RP1: variants seen among roughly 807,000 people sequenced by gnomAD.
RP1 encodes the protein oxygen-regulated protein 1.
Under a neutral mutation model 14.8 loss-of-function variants are expected in RP1, and 16 were observed. The observed-to-expected ratio is 1.08, with a 90% CI of 0.73 to 1.65. RP1 has a LOEUF of 1.65. Ranked by LOEUF, RP1 falls within the 40% of genes most tolerant of loss-of-function variation. The pLI, the probability that RP1 is intolerant of heterozygous loss-of-function variation, is 0.00. For missense variants in RP1, 2,631 were observed against 2,535.0 expected, an observed-to-expected ratio of 1.04 and a Z score of -0.81; for synonymous variants, 876 against 883.6, an observed-to-expected ratio of 0.99 and a Z score of 0.15.
intron 19 of RP1, among the ~76,000 whole-genome samples, chr8:54,743,236 T>C (rs1809143418): frequency 6.6e-6 from 1 of 152,198 alleles, no homozygotes; most frequent in Non-Finnish European, 1.5e-5. Context: ...AAAATATATA[T>C]ATATGTTTGT....
intron 1 of RP1, among the ~76,000 whole-genome samples, chr8:54,608,536 A>T (rs1585547500): frequency 6.6e-6 from 1 of 152,142 alleles, no homozygotes; most frequent in African/African-American, 2.4e-5. Context: ...TGGCTTACAT[A>T]TGTTTGTTCA....
At chr8:54,651,642 C>G (rs1032747494) in intron 4 of RP1, among the ~76,000 whole-genome samples, 2 of 152,060 alleles carry the variant, frequency 1.3e-5, no homozygotes, top group Admixed American at 6.5e-5. Context: ...TAGCAATTCT[C>G]TTTGCTAACA....
chr8:54,638,692 A>G (rs1806399370), intron 3 of RP1, among the ~76,000 whole-genome samples: 1 of 152,100 alleles, frequency 6.6e-6, no homozygotes. Context: ...ACACTTGTAT[A>G]GGGTTGGTTT....
chr8:54,702,680 T>C (rs1808054323), intron 14 of RP1, among the ~76,000 whole-genome samples: 1 of 152,198 alleles, frequency 6.6e-6, no homozygotes, highest in Non-Finnish European at 1.5e-5. Context: ...GATTGACTCA[T>C]TCTTTCATGA....
At chr8:54,824,135 T>G (rs35965229) in intron 24 of RP1, among the ~76,000 whole-genome samples, 5 of 70,830 alleles carry the variant, frequency 7.1e-5, no homozygotes, top group Admixed American at 1.2e-4. Context: ...GTTTGTGTGT[T>G]TTTTTTTTAA....
chr8:54,821,798 T>A (rs576348710), intron 24 of RP1, among the ~76,000 whole-genome samples: 2 of 152,228 alleles, frequency 1.3e-5, no homozygotes, highest in Non-Finnish European at 2.9e-5. Context: ...GTACTGCCCA[T>A]ATTTTGCCTC....
intron 1 of RP1, among the ~76,000 whole-genome samples, chr8:54,607,244 G>T (rs948964798): frequency 6.6e-6 from 1 of 152,130 alleles, no homozygotes; most frequent in Non-Finnish European, 1.5e-5. Flanking sequence ...CTTTCTGTTT[G>T]TTAGTTTTCC....
chr8:54,808,553 G>T (rs1423357107), intron 24 of RP1, among the ~76,000 whole-genome samples: 1 of 152,170 alleles, frequency 6.6e-6, no homozygotes, highest in Non-Finnish European at 1.5e-5. Context: ...CTATTTTATG[G>T]GATTGGAATA....
At chr8:54,864,194 G>A (rs968061014) in intron 27 of RP1, among the ~76,000 whole-genome samples, 2 of 152,140 alleles carry the variant, frequency 1.3e-5, no homozygotes, top group African/African-American at 4.8e-5. Context: ...CCATGGATGA[G>A]GAAGGTGGTG....
chr8:54,852,833 C>A (rs1215465653), intron 26 of RP1: 1 of 827,726 alleles, frequency 1.2e-6, no homozygotes, highest in African/African-American at 1.8e-5. Context: ...CAGTTGATTC[C>A]TGTGAGGAAT....
chr8:54,832,271 A>G (rs1043750661), intron 24 of RP1, among the ~76,000 whole-genome samples: 1 of 151,636 alleles, frequency 6.6e-6, no homozygotes, highest in Non-Finnish European at 1.5e-5. Context: ...GAGTCTAATT[A>G]TATATATGTT....
chr8:54,625,512 G>T lies in RP1; in HGVS notation c.1630G>T (p.Ala544Ser). ...GGAAAACAGTCTGCTTAAGTCAAGT[G>T]CAATAAGTGCTGGTGTTATAGAAAT... ...KKENSLLKSS[A>S]ISAGVIEITS... Residue 544 changes from alanine to serine, a missense_variant, in exon 4 of 4, where the codon GCA becomes TCA. Coordinates refer to ENST00000220676, the MANE Select transcript of RP1 (RefSeq NM_006269.2). 1 of 1,614,006 alleles carries T rather than the reference G, an allele frequency of 6.2e-7. No individual in the cohort carries two copies. The highest frequency in any genetic ancestry group is 1.1e-5 in the South Asian group (1 of 91,068).
intron 7 of RP1, among the ~76,000 whole-genome samples, chr8:54,668,329 G>C (rs1475170838): frequency 6.6e-6 from 1 of 152,092 alleles, no homozygotes; most frequent in Non-Finnish European, 1.5e-5. Context: ...GGATGTGAAG[G>C]ACCTCTTCAA....
chr8:54,622,131 G>A lies in RP1; in HGVS notation c.630G>A (p.Gln210=). Reference sequence around the variant, plus strand: ...GTCTCTTTTAGGTTCCCAGCCTCCAGGCAGTGATCCTGAGCTCTGGAGCTG... The same window carrying A: ...GTCTCTTTTAGGTTCCCAGCCTCCAAGCAGTGATCCTGAGCTCTGGAGCTG... The part of the protein sequence containing the change: ...ATDGRRVPSL[Q]AVILSSGAVV... The change falls in exon 3 of 4, where the codon CAG becomes CAA. Residue 210 remains glutamine, a synonymous_variant. Transcript: ENST00000220676. 1 of 1,614,168 alleles carries A rather than the reference G, an allele frequency of 6.2e-7. No homozygotes were observed. Among genetic ancestry groups the A allele is most frequent in the Non-Finnish European group, 8.5e-7 (1 of 1,180,044 alleles).
At chr8:54,859,705 G>C (rs1812298089) in intron 27 of RP1, among the ~76,000 whole-genome samples, 1 of 151,520 alleles carries the variant, frequency 6.6e-6, no homozygotes, top group Admixed American at 6.6e-5. Flanking sequence ...TGTAGTGCTG[G>C]GTTGCTGCAG....
chr8:54,646,583 T>A (rs1458187549), intron 3 of RP1, among the ~76,000 whole-genome samples: 1 of 152,212 alleles, frequency 6.6e-6, no homozygotes, highest in African/African-American at 2.4e-5. Context: ...GAAAGATGAA[T>A]CTTCGTTCAT....
At position 54,630,791 on chromosome 8, in the gene RP1, A is replaced by G. The variant is rs1223985435; in HGVS notation, c.*438A>G. ...ATTCTTTTTAACTACTGATTTGATA[A>G]AAAGTATGATTATAAGATATCCACG... is the stretch of plus-strand genomic sequence containing the variant. On this transcript the variant is annotated 3_prime_UTR_variant, in exon 4 of 4. Coordinates refer to ENST00000220676, the MANE Select transcript of RP1 (RefSeq NM_006269.2). The G allele has an allele frequency of 9.9e-7, 1 of 1,005,730 alleles. No individual in the cohort carries two copies. Among genetic ancestry groups the G allele is most frequent in the Non-Finnish European group, 1.2e-6 (1 of 842,652 alleles). 62.3% of individuals were successfully genotyped at this position (1,005,730 alleles called of 1,614,324 possible). A position where few individuals can be genotyped will look rare whatever the true frequency, so the allele number is the denominator to read the frequency against.
At chr8:54,602,839 T>C (rs1237713681) in intron 1 of RP1, among the ~76,000 whole-genome samples, 1 of 152,250 alleles carries the variant, frequency 6.6e-6, no homozygotes, top group Non-Finnish European at 1.5e-5. Flanking sequence ...TGTCTTCTTT[T>C]GAGAAGTGTC....
At chr8:54,845,748 C>T (rs1056318461) in intron 25 of RP1, among the ~76,000 whole-genome samples, 1 of 152,222 alleles carries the variant, frequency 6.6e-6, no homozygotes, top group Non-Finnish European at 1.5e-5. Flanking sequence ...TTTATTATCA[C>T]TTCCTATTAC....
Sources: gnomAD v4.1 joint callset for allele counts (sites outside exome capture counted in the v4.1 genomes callset) on GRCh38, gnomAD v4.1.1 for gene constraint, MANE v1.5 for transcripts, NCBI Gene and HGNC (gene_info 2026-07-23, HGNC 2026-07-21) for gene names.